The following NAV1 variants were observed in gnomAD, a reference collection of about 807,000 sequenced individuals.
The protein encoded by NAV1 is neuron navigator 1.
NAV1 carries 18 observed loss-of-function variants against 175.2 expected under a neutral mutation model. That is an observed-to-expected ratio of 0.10 (90% confidence interval 0.07 to 0.15). NAV1 has a LOEUF of 0.15. Ranked by LOEUF, NAV1 falls within the 10% of genes least tolerant of loss-of-function variation. NAV1 has a pLI of 1.00. For missense variants in NAV1, 1,731 were observed against 2,436.6 expected (o/e 0.71, Z 6.10); for synonymous variants, 897 against 978.7 (o/e 0.92, Z 1.56).
rs183558009 is a variant in NAV1 at position 201,750,703 on chromosome 1, T to A, written c.1227-29718T>A. Among the ~76,000 whole-genome samples the A allele has an allele frequency of 9.5e-4, 145 of 152,196 alleles. No homozygotes were observed. Among genetic ancestry groups the A allele is most frequent in the African/African-American group, 3.3e-3 (136 of 41,556 alleles). ...GATGAAATTTATATTTACTCACACC[T>A]ACCACTTGGTTGATGCCCAGAGGGG... On this transcript the variant is annotated intron_variant, in intron 3 of 29. Transcript: ENST00000367296. The surrounding 1 kb of genome is among the most constrained non-coding windows in gnomAD (Gnocchi z 4.1).
At chr1:201,732,392 G>A (rs759287485) in intron 3 of NAV1, among the ~76,000 whole-genome samples, 4 of 151,828 alleles carry the variant, frequency 2.6e-5, no homozygotes, top group Non-Finnish European at 5.9e-5. Context: ...CTGCCCAGGC[G>A]GGTCTCAAAC....
At chr1:201,678,972 G>A (rs1389634926) in intron 1 of NAV1, among the ~76,000 whole-genome samples, 5 of 152,142 alleles carry the variant, frequency 3.3e-5, no homozygotes, top group Non-Finnish European at 7.4e-5. Context: ...GGAGGCTCCC[G>A]TGGAGACAAA....
At chr1:201,817,759 A>C (rs759406850) in intron 29 of NAV1, among the ~76,000 whole-genome samples, 83 of 152,180 alleles carry the variant, frequency 5.5e-4, no homozygotes, top group Non-Finnish European at 1.0e-3. Context: ...CACTCTCTCT[A>C]CTTCTGCTTC....
chr1:201,728,828 T>C (rs1334711212), intron 3 of NAV1, among the ~76,000 whole-genome samples: 4 of 152,124 alleles, frequency 2.6e-5, no homozygotes, highest in African/African-American at 2.4e-5. Context: ...TGGATAACAG[T>C]GTCTGTTCAA....
intron 3 of NAV1, among the ~76,000 whole-genome samples, chr1:201,768,653 A>AG (rs1180005897): frequency 1.3e-5 from 2 of 151,656 alleles, no homozygotes; most frequent in East Asian, 3.9e-4. Flanking sequence ...AAAAAAAAAA[A>AG]AAAAAAAGAG....
chr1:201,790,803 A>G, intron 13 of NAV1, 37 bp downstream of exon 17: 3 of 1,607,938 alleles, frequency 1.9e-6, no homozygotes, highest in Non-Finnish European at 2.6e-6. Flanking sequence ...CAAGGCAGTT[A>G]TTTTGACTAT....
rs1041598697 is a variant in NAV1 at position 201,751,291 on chromosome 1, T to TA, written c.1227-29129dup. Among the ~76,000 whole-genome samples, 203 of 152,316 alleles carry TA rather than the reference T, an allele frequency of 1.3e-3. 2 individuals are homozygous for TA. The highest frequency in any genetic ancestry group is 4.8e-3 in the African/African-American group (200 of 41,572). ...GGAAAAGGATTGATGTCCTGCTAAGTATATGTTTGATATCCAGCCCAGGTT... is the reference window on the plus strand; with the variant it reads ...GGAAAAGGATTGATGTCCTGCTAAGTAATATGTTTGATATCCAGCCCAGGTT... On this transcript the variant is annotated intron_variant, in intron 3 of 29. Transcript: ENST00000367296.
At chr1:201,772,792 G>A (rs929721300) in intron 3 of NAV1, among the ~76,000 whole-genome samples, 8 of 152,128 alleles carry the variant, frequency 5.3e-5, no homozygotes, top group Non-Finnish European at 1.0e-4. Context: ...CCAGCACTTT[G>A]GGAGGCCAAG....
At chr1:201,619,041 T>G (rs1205734463), upstream of NAV1, among the ~76,000 whole-genome samples, 4 of 152,100 alleles carry the variant, frequency 2.6e-5, no homozygotes, top group Admixed American at 6.5e-5. Flanking sequence ...CCTCCCAGTC[T>G]AGATGAGGGC....
chr1:201,658,429 G>A (rs1321354922), intron 1 of NAV1, among the ~76,000 whole-genome samples: 1 of 152,164 alleles, frequency 6.6e-6, no homozygotes, highest in East Asian at 1.9e-4. Context: ...CAGAAGTGAT[G>A]TGAGTTTTGA....
chr1:201,631,720 G>T (rs1446322890), intron 2 of NAV1, among the ~76,000 whole-genome samples: 2 of 152,232 alleles, frequency 1.3e-5, no homozygotes, highest in Non-Finnish European at 2.9e-5. Flanking sequence ...AAGGATAATT[G>T]GGTGCTTTGG....
At chr1:201,630,327 T>A (rs1323241671) in intron 2 of NAV1, among the ~76,000 whole-genome samples, 1 of 152,214 alleles carries the variant, frequency 6.6e-6, no homozygotes, top group Non-Finnish European at 1.5e-5. Flanking sequence ...GAAACTTGCC[T>A]CAACAAAGTA....
chr1:201,705,177 C>T (rs1671616275), intron 1 of NAV1, among the ~76,000 whole-genome samples: 1 of 152,136 alleles, frequency 6.6e-6, no homozygotes, highest in Non-Finnish European at 1.5e-5. Context: ...TCCTCTTAGC[C>T]CAGTGCCCAG....
chr1:201,738,874 T>G (rs1242812535), intron 3 of NAV1, among the ~76,000 whole-genome samples: 7 of 152,206 alleles, frequency 4.6e-5, no homozygotes, highest in Non-Finnish European at 1.0e-4. Context: ...TTTGTCCATC[T>G]CTAAAATGTA....
chr1:201,614,398 G>A (rs59914872), intron 2 of NAV1, among the ~76,000 whole-genome samples: 3,601 of 152,306 alleles, frequency 0.024, 144 homozygotes, highest in African/African-American at 0.082. Flanking sequence ...GGCGCCTCAA[G>A]GGCAGGAAGG....
chr1:201,622,885 A>G (rs1668216866), upstream of NAV1: 9 of 986,044 alleles, frequency 9.1e-6, no homozygotes, highest in Non-Finnish European at 9.6e-6. Context: ...CTTGCAGACC[A>G]TGAATGGGAT....
intron 1 of NAV1, among the ~76,000 whole-genome samples, chr1:201,691,322 G>A (rs1330911588): frequency 6.6e-6 from 1 of 152,224 alleles, no homozygotes; most frequent in African/African-American, 2.4e-5. Context: ...CTCAGCGGAA[G>A]GTGTGGTCAT....
intron 2 of NAV1, among the ~76,000 whole-genome samples, chr1:201,613,025 C>T (rs986782645): frequency 6.6e-6 from 1 of 152,038 alleles, no homozygotes; most frequent in Non-Finnish European, 1.5e-5. Flanking sequence ...AGGGAGGGTA[C>T]GTGTCAGATG....
intron 15 of NAV1, 74 bp from the exon 20 acceptor site, chr1:201,803,519 C>T: frequency 6.6e-7 from 1 of 1,506,704 alleles, no homozygotes; most frequent in Non-Finnish European, 9.0e-7. Context: ...TTATCTTCTG[C>T]CACTAGACTT....
Sources: gnomAD v4.1 joint callset for allele counts (sites outside exome capture counted in the v4.1 genomes callset) on GRCh38, gnomAD v4.1.1 for gene constraint, Gnocchi (gnomAD v3.1) non-coding constraint, MANE v1.5 for transcripts, NCBI Gene and HGNC (gene_info 2026-07-23, HGNC 2026-07-21) for gene names.